SNX29: variants seen among roughly 807,000 people sequenced by gnomAD.
SNX29 encodes sorting nexin-29.
A neutral mutation model predicts 102.1 loss-of-function variants in SNX29; 78 were observed. The observed-to-expected ratio is 0.76, with a 90% CI of 0.64 to 0.92. SNX29 has a LOEUF of 0.92. Among genes scored for constraint, SNX29 ranks in the 40% least tolerant of loss-of-function variants. SNX29 has a pLI of 0.00. For synonymous variants in SNX29, 580 were observed against 414.5 expected, an observed-to-expected ratio of 1.40 and a Z score of -4.85; for missense variants, 1,280 against 1,061.7, an observed-to-expected ratio of 1.21 and a Z score of -2.86.
intron 3 of SNX29, among the ~76,000 whole-genome samples, chr16:12,003,657 C>T (rs746173699): frequency 1.3e-5 from 2 of 152,162 alleles, no homozygotes; most frequent in African/African-American, 4.8e-5. Context: ...ATATTGCTTT[C>T]TAGTATTTTT....
chr16:11,995,828 G>A (rs1458753230), intron 1 of SNX29, among the ~76,000 whole-genome samples: 1 of 152,116 alleles, frequency 6.6e-6, no homozygotes, highest in Admixed American at 6.5e-5. Context: ...TTGGGAGGCC[G>A]AGGTGGGTGG....
chr16:12,058,805 T>G lies in SNX29; in HGVS notation c.1125-2723T>G, dbSNP rs1349895526. 2.8e-5 allele frequency among the ~76,000 whole-genome samples: 4 copies of G among 141,352 alleles called. No individual in the cohort carries two copies. The East Asian group carries it at 6.1e-4, about 22-fold the overall frequency. The allele number at this position is 141,352 out of a possible 152,430, so 92.7% of individuals were successfully genotyped here. On this transcript the variant is annotated intron_variant, in intron 8 of 20. Transcript: ENST00000566228. ...CACAGCACCCGGCCTGGGTTTTTTT[T>G]TTTTTTTTTTTTTTTTTTTCTCTGT...
At position 12,126,733 on chromosome 16, in the gene SNX29, C is replaced by G. The variant is rs746780694; in HGVS notation, c.1466+37C>G. ...TTCAGGCTTGAGGAATAGCCTCTTT[C>G]TTTGACATTCTGCCTCTGGGGAAGA... On this transcript the variant is annotated intron_variant, in intron 12 of 20. Coordinates refer to ENST00000566228, the MANE Select transcript of SNX29 (RefSeq NM_032167.5). 2.5e-6 allele frequency: 4 copies of G among 1,608,684 alleles called. No individual in the cohort carries two copies. In the South Asian group the frequency reaches 3.3e-5, roughly 13 times the overall value.
Position 12,573,608 on chromosome 16 carries a change from C to G in SNX29, c.*4979C>G, listed in dbSNP as rs1013463530. 1.4e-5 allele frequency: 3 copies of G among 221,796 alleles called. No homozygotes were observed. In the East Asian group the frequency reaches 2.0e-4, roughly 15 times the overall value. 13.7% of individuals were successfully genotyped at this position (221,796 alleles called of 1,614,324 possible). ...CCCACTTCCCCTCAAATTTTCTCAG[C>G]TCTGCCGCTGGTCTCCATGAACGGC... On this transcript the variant is annotated 3_prime_UTR_variant, in exon 21 of 21. Coordinates refer to ENST00000566228, the MANE Select transcript of SNX29 (RefSeq NM_032167.5).
chr16:11,990,142 C>T (rs1399251685), intron 1 of SNX29, among the ~76,000 whole-genome samples: 1 of 152,202 alleles, frequency 6.6e-6, no homozygotes, highest in African/African-American at 2.4e-5. Context: ...ACGTATGTCT[C>T]AGTATGGCGG....
chr16:12,456,295 T>G (rs1457950226), intron 18 of SNX29, among the ~76,000 whole-genome samples: 1 of 152,206 alleles, frequency 6.6e-6, no homozygotes, highest in Non-Finnish European at 1.5e-5. Context: ...CAGATTGAGG[T>G]CAGCAGCTGC....
intron 19 of SNX29, among the ~76,000 whole-genome samples, chr16:12,524,013 G>A (rs1481635205): frequency 6.6e-6 from 1 of 152,120 alleles, no homozygotes. Context: ...CAGCCAAGTA[G>A]CTGGGATTAC....
At chr16:12,253,077 G>C (rs1567359819) in intron 14 of SNX29, among the ~76,000 whole-genome samples, 1 of 152,150 alleles carries the variant, frequency 6.6e-6, no homozygotes, top group South Asian at 2.1e-4. Flanking sequence ...AGCGGTTCTA[G>C]AGGCATGTTC....
chr16:12,561,148 T>C (rs1003045575), intron 20 of SNX29: 55 of 229,286 alleles, frequency 2.4e-4, no homozygotes, highest in Non-Finnish European at 6.1e-5. Context: ...AGGTGTTGCC[T>C]AGGAATGAAT....
intron 8 of SNX29, 64 bp downstream of exon 8, chr16:12,052,286 A>G (rs2050340128): frequency 6.4e-7 from 1 of 1,568,346 alleles, no homozygotes; most frequent in Non-Finnish European, 8.7e-7. Flanking sequence ...GCGTGATCTC[A>G]GCTCACTGCA....
intron 19 of SNX29, among the ~76,000 whole-genome samples, chr16:12,522,088 G>A (rs944959891): frequency 5.9e-5 from 9 of 152,304 alleles, no homozygotes; most frequent in African/African-American, 1.7e-4. Flanking sequence ...GATGCTCCAC[G>A]CTTCCATCTC....
intron 13 of SNX29, among the ~76,000 whole-genome samples, chr16:12,149,000 C>G (rs1332387599): frequency 6.6e-6 from 1 of 152,182 alleles, no homozygotes; most frequent in South Asian, 2.1e-4. Context: ...CCACGCCCGG[C>G]CTGCCTTCGT....
At chr16:12,494,166 A>C (rs2088692032) in intron 19 of SNX29, among the ~76,000 whole-genome samples, 1 of 152,138 alleles carries the variant, frequency 6.6e-6, no homozygotes, top group Non-Finnish European at 1.5e-5. Context: ...TGGGCAAGAC[A>C]GTGAGTTCCT....
intron 18 of SNX29, among the ~76,000 whole-genome samples, chr16:12,441,213 G>A (rs374208307): frequency 2.9e-4 from 44 of 149,660 alleles, no homozygotes; most frequent in African/African-American, 8.1e-4. Context: ...TCAGCCTCCC[G>A]AGTAGTTGGG....
At chr16:12,215,482 G>T (rs2077299284) in intron 14 of SNX29, among the ~76,000 whole-genome samples, 1 of 152,130 alleles carries the variant, frequency 6.6e-6, no homozygotes, top group African/African-American at 2.4e-5. Context: ...ATACAGAAGT[G>T]AGTAATACTC....
intron 19 of SNX29, among the ~76,000 whole-genome samples, chr16:12,493,008 A>G (rs866267632): frequency 2.0e-5 from 3 of 152,152 alleles, no homozygotes; most frequent in Non-Finnish European, 2.9e-5. Flanking sequence ...TTGACTTGGC[A>G]ATGCGGGCTC....
chr16:12,523,875 T>C (rs150184597), intron 19 of SNX29, among the ~76,000 whole-genome samples: 1 of 152,020 alleles, frequency 6.6e-6, no homozygotes, highest in Non-Finnish European at 1.5e-5. Flanking sequence ...CATGCTACCA[T>C]GCATCCTAGG....
In SNX29 at chr16:12,061,650, G is replaced by T. The variant is rs2050781052; in HGVS notation, c.1243+4G>T. Reference sequence around the variant, plus strand: ...GTGGGCTCCTACAGCCCAGCAGGTGGGTGTCTCCCGATTACTCCTTTCCTC... The same window carrying T: ...GTGGGCTCCTACAGCCCAGCAGGTGTGTGTCTCCCGATTACTCCTTTCCTC... On this transcript the variant is annotated splice_donor_region_variant and intron_variant, in intron 9 of 20. Transcript: ENST00000566228. 1.2e-6 allele frequency: 2 copies of T among 1,606,846 alleles called. No individual in the cohort carries two copies. Among genetic ancestry groups the T allele is most frequent in the Non-Finnish European group, 1.7e-6 (2 of 1,176,514 alleles).
chr16:12,255,469 C>G (rs1028675092), intron 14 of SNX29, among the ~76,000 whole-genome samples: 1 of 152,196 alleles, frequency 6.6e-6, no homozygotes, highest in Admixed American at 6.5e-5. Flanking sequence ...ATGCTGTCCC[C>G]TAACCCGCCA....
Sources: gnomAD v4.1 joint callset for allele counts (sites outside exome capture counted in the v4.1 genomes callset) on GRCh38, gnomAD v4.1.1 for gene constraint, MANE v1.5 for transcripts, NCBI Gene and HGNC (gene_info 2026-07-23, HGNC 2026-07-21) for gene names.